The following DISP1 variants were observed in gnomAD, a reference collection of about 807,000 sequenced individuals.
DISP1 encodes protein dispatched homolog 1.
A neutral mutation model predicts 37.3 loss-of-function variants in DISP1; 30 were observed. That is an observed-to-expected ratio of 0.80 (90% CI 0.60 to 1.09). The LOEUF (loss-of-function observed/expected upper bound fraction) is 1.09. Ranked by LOEUF, DISP1 falls within the 50% of genes least tolerant of loss-of-function variation. The pLI, the probability that DISP1 is intolerant of heterozygous loss-of-function variation, is 0.00. For synonymous variants in DISP1, 634 were observed against 690.2 expected (o/e 0.92, Z 1.28); for missense variants, 1,598 against 1,879.5 (o/e 0.85, Z 2.77).
At chr1:222,911,366 A>G (rs1307342586) in intron 1 of DISP1, among the ~76,000 whole-genome samples, 1 of 152,180 alleles carries the variant, frequency 6.6e-6, no homozygotes, top group African/African-American at 2.4e-5. Flanking sequence ...TGCACCAAAG[A>G]GACTGGGAGA....
At position 222,887,902 on chromosome 1, in the gene DISP1, C is replaced by T. The variant is rs530669431; in HGVS notation, c.-158-40528C>T. On this transcript the variant is annotated intron_variant, in intron 1 of 8. Transcript: ENST00000675850. ...CAATTGGAACAAGGTATAGAGGTCA[C>T]AATAGCAGAGAAGTGGCACTGCTGA... 2.1e-4 allele frequency among the ~76,000 whole-genome samples: 32 copies of T among 152,320 alleles called. No individual in the cohort carries two copies. The Middle Eastern group carries it at 0.01, about 49-fold the overall frequency.
At chr1:222,882,516 GT>G (rs1670339355) in intron 1 of DISP1, among the ~76,000 whole-genome samples, 1 of 152,108 alleles carries the variant, frequency 6.6e-6, no homozygotes, top group Non-Finnish European at 1.5e-5. Context: ...AGATTTAAAA[GT>G]ATTTTTGTCT....
rs1425543683 is a variant in DISP1 at position 223,003,186 on chromosome 1, G to T, written c.1789G>T (p.Val597Leu). The T allele has an allele frequency of 6.2e-7, 1 of 1,614,112 alleles. No individual in the cohort carries two copies. Among genetic ancestry groups the T allele is most frequent in the Non-Finnish European group, 8.5e-7 (1 of 1,180,046 alleles). ...GCCTCATGCCGAAACCTCAGAAACAGTAAGCATCACCTTGCAGCACGCTGC... is the reference window on the plus strand; with the variant it reads ...GCCTCATGCCGAAACCTCAGAAACATTAAGCATCACCTTGCAGCACGCTGC... ...DKPHAETSET[V>L]SITLQHAALS... Residue 597 changes from valine (V) to leucine (L), a missense_variant, in exon 9 of 9, where the codon GTA (valine) becomes TTA (leucine). Val to Leu is a conservative substitution (Grantham distance 32, BLOSUM62 1). Coordinates refer to ENST00000675850, the MANE Select transcript of DISP1 (RefSeq NM_001377229.1). This position sits in a 1 kb window ranked among gnomAD's most constrained non-coding sequence, Gnocchi z 4.3.
chr1:222,954,738 A>C (rs534479476), intron 3 of DISP1, among the ~76,000 whole-genome samples: 29 of 152,306 alleles, frequency 1.9e-4, no homozygotes, highest in South Asian at 6.2e-4. Context: ...AGGCTGGGCC[A>C]GGCTGGCTCA....
In DISP1 at chr1:222,936,274, C is replaced by T. The variant is rs528322828; in HGVS notation, c.-17-6533C>T. On this transcript the variant is annotated intron_variant, in intron 2 of 8. Transcript: ENST00000675850. ...ATGACCACACAATGGTGAAATCACC[C>T]GATGATGCATGTCTCTGGACATATC... 3.3e-5 allele frequency among the ~76,000 whole-genome samples: 5 copies of T among 152,022 alleles called. 1 individual carries two copies. The highest frequency in any genetic ancestry group is 2.1e-4 in the South Asian group (1 of 4,812).
chr1:222,908,279 G>A (rs1672020864), intron 1 of DISP1, among the ~76,000 whole-genome samples: 1 of 152,168 alleles, frequency 6.6e-6, no homozygotes. Flanking sequence ...TTGAACACAG[G>A]AGTTTGAAGT....
intron 2 of DISP1, among the ~76,000 whole-genome samples, chr1:222,938,355 A>C (rs1270225664): frequency 6.8e-6 from 1 of 147,334 alleles, no homozygotes; most frequent in African/African-American, 2.5e-5. Context: ...TATTATACTT[A>C]TACTTCCTCT....
intron 5 of DISP1, among the ~76,000 whole-genome samples, chr1:222,990,999 A>G (rs548053736): frequency 7.9e-5 from 12 of 152,328 alleles, no homozygotes; most frequent in African/African-American, 2.9e-4. Context: ...AAAGCAATAA[A>G]TTGGAGAATC....
chr1:222,980,818 C>T (rs1677778563), intron 3 of DISP1, among the ~76,000 whole-genome samples: 1 of 152,234 alleles, frequency 6.6e-6, no homozygotes, highest in South Asian at 2.1e-4. Context: ...GGCACAGTGG[C>T]TCAGGCCTGT....
At chr1:222,854,333 A>G (rs61839658) in intron 1 of DISP1, among the ~76,000 whole-genome samples, 10,814 of 152,184 alleles carry the variant, frequency 0.071, 482 homozygotes, top group Non-Finnish European at 0.098. Context: ...GAAACTTACA[A>G]TCATGGCGGA....
chr1:222,924,499 T>G (rs1270865371), intron 1 of DISP1, among the ~76,000 whole-genome samples: 1 of 152,216 alleles, frequency 6.6e-6, no homozygotes, highest in Non-Finnish European at 1.5e-5. Context: ...TTCCCTGCAC[T>G]GGGCTATGAC....
intron 1 of DISP1, among the ~76,000 whole-genome samples, chr1:222,825,748 C>T (rs1344000064): frequency 1.3e-5 from 2 of 152,112 alleles, no homozygotes; most frequent in Non-Finnish European, 1.5e-5. Flanking sequence ...AGCAATCCGG[C>T]GGCCTCGGCC....
chr1:222,867,339 A>G (rs1234260185), intron 1 of DISP1, among the ~76,000 whole-genome samples: 1 of 152,224 alleles, frequency 6.6e-6, no homozygotes. Context: ...TGCTGCTTCA[A>G]TGAATTGACC....
intron 1 of DISP1, among the ~76,000 whole-genome samples, chr1:222,906,182 T>A (rs995242994): frequency 6.6e-6 from 1 of 152,200 alleles, no homozygotes; most frequent in African/African-American, 2.4e-5. Context: ...AATAGTGGCA[T>A]CTTTATTAGA....
intron 1 of DISP1, among the ~76,000 whole-genome samples, chr1:222,831,999 G>A (rs542561330): frequency 6.6e-6 from 1 of 152,264 alleles, no homozygotes; most frequent in African/African-American, 2.4e-5. Context: ...TTACATAGCA[G>A]CTGGGCACGG....
chr1:222,816,094 TATATATATAA>T (rs1024857321), intron 1 of DISP1, among the ~76,000 whole-genome samples: 23 of 132,454 alleles, frequency 1.7e-4, no homozygotes, highest in African/African-American at 7.1e-4. Flanking sequence ...TATATATATA[TATATATATAA>T]ATATTTGCCA....
chr1:222,922,258 G>A (rs1406543262), intron 1 of DISP1, among the ~76,000 whole-genome samples: 2 of 152,104 alleles, frequency 1.3e-5, no homozygotes, highest in Non-Finnish European at 2.9e-5. Flanking sequence ...GGACTGAAGA[G>A]CAGCTTGATC....
chr1:222,868,917 A>G (rs1336530334), intron 1 of DISP1, among the ~76,000 whole-genome samples: 2 of 152,148 alleles, frequency 1.3e-5, no homozygotes, highest in African/African-American at 4.8e-5. Flanking sequence ...ACTATATCAT[A>G]TTTGGCAGCA....
chr1:222,902,563 A>G (rs1671657096), intron 1 of DISP1, among the ~76,000 whole-genome samples: 1 of 152,160 alleles, frequency 6.6e-6, no homozygotes, highest in Admixed American at 6.5e-5. Context: ...CATCTGACAA[A>G]GGGCTAATAT....
Sources: gnomAD v4.1 joint callset for allele counts (sites outside exome capture counted in the v4.1 genomes callset) on GRCh38, gnomAD v4.1.1 for gene constraint, Gnocchi (gnomAD v3.1) non-coding constraint, MANE v1.5 for transcripts, NCBI Gene and HGNC (gene_info 2026-07-23, HGNC 2026-07-21) for gene names.